Variants in KIAA0319 observed in about 807,000 individuals in gnomAD.
KIAA0319 encodes the protein KIAA0319.
Under a neutral mutation model 108.4 loss-of-function variants are expected in KIAA0319, and 83 were observed. That is an observed-to-expected ratio of 0.77 (90% confidence interval 0.64 to 0.92). The LOEUF (loss-of-function observed/expected upper bound fraction) is 0.92, where lower values mean the gene tolerates loss of function less well. Among genes scored for constraint, KIAA0319 ranks in the 40% least tolerant of loss-of-function variants. The pLI, the probability that KIAA0319 is intolerant of heterozygous loss-of-function variation, is 0.00. For synonymous variants in KIAA0319, 484 were observed against 510.4 expected (o/e 0.95, Z 0.70); for missense variants, 1,195 against 1,322.4 (o/e 0.90, Z 1.49).
At chr6:24,590,041 G>C (rs1263001537) in intron 3 of KIAA0319, among the ~76,000 whole-genome samples, 1 of 152,164 alleles carries the variant, frequency 6.6e-6, no homozygotes, top group African/African-American at 2.4e-5. Flanking sequence ...GGCCCACAGG[G>C]ACCATGTGCA....
At chr6:24,597,936 A>AAAAAAAAAC (rs1769952991) in intron 2 of KIAA0319, 1 of 154,902 alleles carries the variant, frequency 6.5e-6, no homozygotes, top group Non-Finnish European at 1.4e-5. Flanking sequence ...AAAAAAAAAA[A>AAAAAAAAAC]AAAAAAAAAA....
intron 1 of KIAA0319, among the ~76,000 whole-genome samples, chr6:24,615,692 A>C (rs528244149): frequency 1.3e-5 from 2 of 152,278 alleles, no homozygotes; most frequent in African/African-American, 4.8e-5. Flanking sequence ...AGATATAACC[A>C]CCTTTAACAC....
intron 1 of KIAA0319, among the ~76,000 whole-genome samples, chr6:24,644,700 T>C (rs1777394735): frequency 6.6e-6 from 1 of 152,216 alleles, no homozygotes; most frequent in Admixed American, 6.5e-5. Context: ...TTTTAATTCA[T>C]AAAGATTTTG....
At chr6:24,612,710 A>G (rs1042877989) in intron 1 of KIAA0319, among the ~76,000 whole-genome samples, 2 of 152,256 alleles carry the variant, frequency 1.3e-5, no homozygotes, top group African/African-American at 2.4e-5. Context: ...TAAATTTGCT[A>G]GAAAATGTAT....
intron 17 of KIAA0319, 103 bp from the exon 18 acceptor site, chr6:24,556,832 C>T: frequency 7.5e-7 from 1 of 1,329,644 alleles, no homozygotes. Context: ...ATAAAAGCAT[C>T]TTGTTGAATT....
rs1024039527 is a variant in KIAA0319 at position 24,607,955 on chromosome 6, C to A, written c.-105-6747G>T. Among the ~76,000 whole-genome samples the A allele has an allele frequency of 2.6e-5, 4 of 152,114 alleles. No individual in the cohort carries two copies. The East Asian group carries it at 7.7e-4, about 29-fold the overall frequency. On this transcript the variant is annotated intron_variant, in intron 1 of 20. Transcript: ENST00000378214. ...ATACTAGAAAAAAGATGCTTAAATG[C>A]CAATTTAAGTCTCAAGGAGAAAACA...
At chr6:24,548,009 G>A (rs947896727) in intron 20 of KIAA0319, among the ~76,000 whole-genome samples, 1 of 152,070 alleles carries the variant, frequency 6.6e-6, no homozygotes, top group African/African-American at 2.4e-5. Flanking sequence ...CTCTAGCCCA[G>A]GTGACAGAGC....
intron 20 of KIAA0319, among the ~76,000 whole-genome samples, chr6:24,547,676 T>C (rs962933733): frequency 2.0e-5 from 3 of 152,240 alleles, no homozygotes; most frequent in Admixed American, 6.5e-5. Flanking sequence ...TTAAGTGAAA[T>C]AGTGCATGTA....
intron 1 of KIAA0319, among the ~76,000 whole-genome samples, chr6:24,612,675 G>A (rs533881909): frequency 1.5e-4 from 23 of 152,326 alleles, no homozygotes; most frequent in South Asian, 6.2e-4. Context: ...GTGGGAAAGC[G>A]AATGGGGTGG....
At chr6:24,581,789 C>T (rs1316975810) in intron 6 of KIAA0319, among the ~76,000 whole-genome samples, 1 of 152,238 alleles carries the variant, frequency 6.6e-6, no homozygotes, top group African/African-American at 2.4e-5. Flanking sequence ...AACCATCTGC[C>T]TGCCTACTTG....
At chr6:24,555,453 C>T (rs807537) in intron 18 of KIAA0319, among the ~76,000 whole-genome samples, 28,149 of 138,716 alleles carry the variant, frequency 0.2, 2,841 homozygotes, top group South Asian at 0.24. Context: ...GCTGAGATTG[C>T]GCTATTGCAC....
intron 11 of KIAA0319, among the ~76,000 whole-genome samples, chr6:24,571,006 G>A (rs746247486): frequency 1.3e-5 from 2 of 150,504 alleles, no homozygotes; most frequent in Non-Finnish European, 3.0e-5. Context: ...CCTGGCCAAC[G>A]TGGCGAAACT....
At chr6:24,621,370 A>G (rs114275238) in intron 1 of KIAA0319, among the ~76,000 whole-genome samples, 3 of 152,266 alleles carry the variant, frequency 2.0e-5, no homozygotes, top group Admixed American at 6.5e-5. Flanking sequence ...CAAGCCCCCA[A>G]GTGTTCATTA....
At chr6:24,595,091 A>G (rs980264771) in intron 3 of KIAA0319, among the ~76,000 whole-genome samples, 2 of 152,112 alleles carry the variant, frequency 1.3e-5, no homozygotes, top group African/African-American at 4.8e-5. Context: ...TCTCTCCTTC[A>G]TAGCTCTCTC....
intron 1 of KIAA0319, among the ~76,000 whole-genome samples, chr6:24,634,153 GA>G (rs1229653304): frequency 2.0e-5 from 3 of 152,166 alleles, no homozygotes; most frequent in Non-Finnish European, 4.4e-5. Context: ...ATGAAGGACT[GA>G]AAGCGCTAAA....
chr6:24,550,224 A>G (rs370729808), intron 20 of KIAA0319, among the ~76,000 whole-genome samples: 149 of 152,322 alleles, frequency 9.8e-4, no homozygotes, highest in Middle Eastern at 3.4e-3. Flanking sequence ...CTTGCACTCC[A>G]GTATAATTAC....
chr6:24,555,770 T>C (rs1174706539), intron 18 of KIAA0319, among the ~76,000 whole-genome samples: 1 of 152,192 alleles, frequency 6.6e-6, no homozygotes, highest in East Asian at 1.9e-4. Flanking sequence ...GGTGCCTGCC[T>C]GTGTGAACAG....
chr6:24,601,689 T>C (rs1770646090), intron 1 of KIAA0319, among the ~76,000 whole-genome samples: 1 of 152,230 alleles, frequency 6.6e-6, no homozygotes, highest in Non-Finnish European at 1.5e-5. Context: ...TGGCTTTCTC[T>C]GACTGGTCCA....
intron 13 of KIAA0319, among the ~76,000 whole-genome samples, chr6:24,568,517 T>C (rs1018242956): frequency 6.6e-6 from 1 of 152,264 alleles, no homozygotes; most frequent in Non-Finnish European, 1.5e-5. Flanking sequence ...GACGTGGGTC[T>C]TTCATTACTA....
Sources: allele counts gnomAD v4.1 joint callset (sites outside exome capture counted in the v4.1 genomes callset), GRCh38; gene constraint gnomAD v4.1.1; transcripts MANE v1.5; gene names NCBI Gene and HGNC (gene_info 2026-07-23, HGNC 2026-07-21).